Variants in RAB23 observed in about 807,000 individuals in gnomAD.
RAB23 encodes ras-related protein Rab-23.
Under a neutral mutation model 30.0 loss-of-function variants are expected in RAB23, and 15 were observed. The observed-to-expected ratio is 0.50, with a 90% CI of 0.33 to 0.77. The LOEUF is 0.77. Ranked by LOEUF, RAB23 falls within the 30% of genes least tolerant of loss-of-function variation. The pLI is 0.02. For missense variants in RAB23, 243 were observed against 275.4 expected, an observed-to-expected ratio of 0.88 and a Z score of 0.83; for synonymous variants, 93 against 94.0, an observed-to-expected ratio of 0.99 and a Z score of 0.06.
intron 6 of RAB23, among the ~76,000 whole-genome samples, chr6:57,192,392 A>G (rs1764872541): frequency 6.6e-6 from 1 of 152,262 alleles, no homozygotes; most frequent in African/African-American, 2.4e-5. Flanking sequence ...TCTCGCCCAC[A>G]AGAAGTTTAC....
chr6:57,219,707 G>A (rs982788400), intron 1 of RAB23, among the ~76,000 whole-genome samples: 2 of 152,168 alleles, frequency 1.3e-5, no homozygotes, highest in Admixed American at 1.3e-4. Flanking sequence ...GCAATTCAAT[G>A]GAGAGAAGAC....
chr6:57,203,893 T>C (rs552689557), intron 3 of RAB23, among the ~76,000 whole-genome samples: 1 of 151,722 alleles, frequency 6.6e-6, no homozygotes, highest in Non-Finnish European at 1.5e-5. Context: ...ACACAGTAAA[T>C]AGAGTGGTAA....
At position 57,194,335 on chromosome 6, in the gene RAB23, A is replaced by C. The variant is rs187638315; in HGVS notation, c.482-401T>G. 2.7e-3 allele frequency among the ~76,000 whole-genome samples: 409 copies of C among 152,146 alleles called. 5 individuals carry two copies. The highest frequency in any genetic ancestry group is 0.015 in the South Asian group (72 of 4,820). ...AATAAGTGGCAATTCCAGAATGAGA[A>C]AAATAACTTACCATCTTTTTCTAAT... On this transcript the variant is annotated intron_variant, in intron 5 of 6. Coordinates refer to ENST00000468148, the MANE Select transcript of RAB23 (RefSeq NM_016277.5).
intron 1 of RAB23, among the ~76,000 whole-genome samples, chr6:57,214,407 TG>T (rs1177597925): frequency 6.6e-6 from 1 of 152,100 alleles, no homozygotes; most frequent in Non-Finnish European, 1.5e-5. Context: ...CTCAACTTCC[TG>T]GGCTCAAGCA....
At chr6:57,195,272 T>C (rs1764980220) in intron 4 of RAB23, among the ~76,000 whole-genome samples, 2 of 152,306 alleles carry the variant, frequency 1.3e-5, no homozygotes, top group South Asian at 4.1e-4. Context: ...AATCTTACAG[T>C]GAATTACTTA....
Position 57,194,867 on chromosome 6 carries a change from A to G in RAB23, c.399-15T>C. 1 of 1,491,122 alleles carries G rather than the reference A, an allele frequency of 6.7e-7. No homozygotes were observed. The highest frequency in any genetic ancestry group is 9.2e-7 in the Non-Finnish European group (1 of 1,082,268). 92.4% of individuals were successfully genotyped at this position (1,491,122 alleles called of 1,614,324 possible). A position where few individuals can be genotyped will look rare whatever the true frequency, so the allele number is the denominator to read the frequency against. ...CAGCTTCCTCACTGCACATCAATTT[A>G]AAAAAAAATGCTTTACAAAGGTGCC... On this transcript the variant is annotated splice_polypyrimidine_tract_variant and intron_variant, in intron 4 of 6. Transcript: ENST00000468148.
At chr6:57,198,311 G>A (rs896951337) in intron 3 of RAB23, among the ~76,000 whole-genome samples, 2 of 152,084 alleles carry the variant, frequency 1.3e-5, no homozygotes, top group African/African-American at 2.4e-5. Context: ...TCAGGAGATC[G>A]AGACCATCCT....
chr6:57,210,405 A>T lies in RAB23; in HGVS notation c.-25T>A. Reference sequence around the variant, plus strand: ...TTTTTGGAGCTGAAATGGTTTCTGTACCAACTCTAATTCTAGGAGATCAGA... The same window carrying T: ...TTTTTGGAGCTGAAATGGTTTCTGTTCCAACTCTAATTCTAGGAGATCAGA... On this transcript the variant is annotated 5_prime_UTR_variant, in exon 2 of 7. Transcript: ENST00000468148. 6.2e-7 allele frequency: 1 copy of T among 1,610,696 alleles called. No homozygotes were observed. Among genetic ancestry groups the T allele is most frequent in the Non-Finnish European group, 8.5e-7 (1 of 1,177,216 alleles).
chr6:57,211,458 T>C (rs1026511388), intron 1 of RAB23, among the ~76,000 whole-genome samples: 2 of 151,896 alleles, frequency 1.3e-5, no homozygotes, highest in Non-Finnish European at 2.9e-5. Flanking sequence ...AGATGCTGTC[T>C]CTAAAAAAAA....
In RAB23 at chr6:57,188,698, G is replaced by A. The variant is rs1764710409; in HGVS notation, c.*1763C>T. The A allele has an allele frequency of 1.3e-5, 2 of 152,150 alleles. No individual in the cohort carries two copies. The highest frequency in any genetic ancestry group is 2.4e-5 in the African/African-American group (1 of 41,436). 9.4% of individuals were successfully genotyped at this position (152,150 alleles called of 1,614,324 possible). ...TGTCACTATCAGCAATGGGAGTGGTGACAACTGGTGACATAAAAATAAGCA... is the reference window on the plus strand; with the variant it reads ...TGTCACTATCAGCAATGGGAGTGGTAACAACTGGTGACATAAAAATAAGCA... On this transcript the variant is annotated 3_prime_UTR_variant, in exon 7 of 7. Coordinates refer to ENST00000468148, the MANE Select transcript of RAB23 (RefSeq NM_016277.5).
intron 3 of RAB23, among the ~76,000 whole-genome samples, chr6:57,205,064 G>A (rs1185189983): frequency 6.6e-6 from 1 of 150,424 alleles, no homozygotes; most frequent in African/African-American, 2.4e-5. Context: ...ATAAATATGT[G>A]TATATATACA....
At chr6:57,195,018 A>G (rs1237770403) in intron 4 of RAB23, among the ~76,000 whole-genome samples, 166 bp from the exon 5 acceptor site, 1 of 152,218 alleles carries the variant, frequency 6.6e-6, no homozygotes, top group Non-Finnish European at 1.5e-5. Context: ...AGAGCTTGAT[A>G]TAATTTCCCA....
At position 57,187,534 on chromosome 6, in the gene RAB23, A is replaced by C. The variant is rs146429095; in HGVS notation, c.*2927T>G. The C allele has an allele frequency of 7.9e-5, 12 of 152,320 alleles. No individual in the cohort carries two copies. Among genetic ancestry groups the C allele is most frequent in the Non-Finnish European group, 1.5e-4 (10 of 68,022 alleles). 9.4% of individuals were successfully genotyped at this position (152,320 alleles called of 1,614,324 possible). A position where few individuals can be genotyped will look rare whatever the true frequency, so the allele number is the denominator to read the frequency against. On this transcript the variant is annotated 3_prime_UTR_variant, in exon 7 of 7. Transcript: ENST00000468148. ...CATCAATGCATTTTGTTTTCAGAGAAACAGACTAATGATAGATTAATGGGA... is the reference window on the plus strand; with the variant it reads ...CATCAATGCATTTTGTTTTCAGAGACACAGACTAATGATAGATTAATGGGA...
chr6:57,188,524 T>TAA lies in RAB23; in HGVS notation c.*1935_*1936dup, dbSNP rs1593201700. On this transcript the variant is annotated 3_prime_UTR_variant, in exon 7 of 7. Transcript: ENST00000468148. ...ATATAACAAGTGATTTTTCTGCCAA[T>TAA]AAAGACAAAAGACTATTTGTTGCAA... 1 of 152,086 alleles carries TAA rather than the reference T, an allele frequency of 6.6e-6. No homozygotes were observed. Among genetic ancestry groups the TAA allele is most frequent in the Admixed American group, 6.5e-5 (1 of 15,272 alleles). The allele number at this position is 152,086 out of a possible 1,614,324, so 9.4% of individuals were successfully genotyped here.
At chr6:57,202,077 TTTG>T (rs1240492914) in intron 3 of RAB23, among the ~76,000 whole-genome samples, 4 of 152,260 alleles carry the variant, frequency 2.6e-5, no homozygotes, top group African/African-American at 9.6e-5. Context: ...AAAATTTTAA[TTTG>T]TTGATTTTTA....
chr6:57,195,214 T>A (rs1764978190), intron 4 of RAB23, among the ~76,000 whole-genome samples: 1 of 152,200 alleles, frequency 6.6e-6, no homozygotes, highest in Admixed American at 6.5e-5. Context: ...AATATTTTAA[T>A]TAATTTTATC....
chr6:57,191,602 G>A (rs1208799388), intron 6 of RAB23, among the ~76,000 whole-genome samples: 4 of 150,922 alleles, frequency 2.7e-5, no homozygotes, highest in Admixed American at 6.6e-5. Context: ...GCCGCCTGCC[G>A]CCACGCCCGG....
chr6:57,191,147 CTCT>C (rs1478418275), intron 6 of RAB23, among the ~76,000 whole-genome samples: 1 of 152,016 alleles, frequency 6.6e-6, no homozygotes, highest in Non-Finnish European at 1.5e-5. Flanking sequence ...GATTTTAAAG[CTCT>C]TGTTTTAGTT....
rs945669014 is a variant in RAB23, at chr6:57,196,758, C to A, written c.242-152G>T. The A allele has an allele frequency of 3.0e-5, 26 of 880,022 alleles. No homozygotes were observed. In the African/African-American group the frequency reaches 3.4e-4, roughly 11 times the overall value. The allele number at this position is 880,022 out of a possible 1,614,324, so 54.5% of individuals were successfully genotyped here. A position where few individuals can be genotyped will look rare whatever the true frequency, so the allele number is the denominator to read the frequency against. The stretch of plus-strand genomic sequence containing the variant: ...AATAAATGTTGAACTCATCTTTGTA[C>A]TACTCTTCTTTACTTTTCAACATAT... On this transcript the variant is annotated intron_variant, in intron 3 of 6. Transcript: ENST00000468148.
Sources: gnomAD v4.1 joint callset for allele counts (sites outside exome capture counted in the v4.1 genomes callset) on GRCh38, gnomAD v4.1.1 for gene constraint, MANE v1.5 for transcripts, NCBI Gene and HGNC (gene_info 2026-07-23, HGNC 2026-07-21) for gene names.